MAGI2: variants seen among roughly 807,000 people sequenced by gnomAD.
MAGI2 encodes the protein membrane-associated guanylate kinase, WW and PDZ domain-containing protein 2.
A neutral mutation model predicts 133.3 loss-of-function variants in MAGI2; 35 were observed. The observed-to-expected ratio is 0.26, with a 90% CI of 0.20 to 0.35. The LOEUF is 0.35. Ranked by LOEUF, MAGI2 falls within the 10% of genes least tolerant of loss-of-function variation. MAGI2 has a pLI of 1.00. For missense variants in MAGI2, 1,636 were observed against 1,863.4 expected (o/e 0.88, Z 2.25); for synonymous variants, 729 against 710.6 (o/e 1.03, Z -0.41).
intron 2 of MAGI2, among the ~76,000 whole-genome samples, chr7:78,958,305 C>T (rs1802565959): frequency 6.6e-6 from 1 of 152,114 alleles, no homozygotes; most frequent in Non-Finnish European, 1.5e-5. Flanking sequence ...GATAGGTCTT[C>T]TAAATTGGGT....
intron 2 of MAGI2, among the ~76,000 whole-genome samples, chr7:78,834,425 T>C (rs1465326911): frequency 1.3e-5 from 2 of 152,204 alleles, no homozygotes; most frequent in African/African-American, 2.4e-5. Context: ...ACCTTTCCTA[T>C]AAATTTTCTA....
intron 2 of MAGI2, among the ~76,000 whole-genome samples, chr7:78,955,748 T>C (rs530657844): frequency 9.5e-4 from 68 of 71,438 alleles, no homozygotes; most frequent in South Asian, 2.3e-3. Context: ...TTTCTTTCTT[T>C]CTTTCTTTCT....
chr7:79,337,328 A>G (rs1177410918), intron 1 of MAGI2, among the ~76,000 whole-genome samples: 1 of 152,208 alleles, frequency 6.6e-6, no homozygotes, highest in Non-Finnish European at 1.5e-5. Flanking sequence ...TGTGAATTCT[A>G]TAGAAGTGCA....
At chr7:78,030,326 C>T (rs1809431918) in intron 21 of MAGI2, among the ~76,000 whole-genome samples, 2 of 152,142 alleles carry the variant, frequency 1.3e-5, no homozygotes, top group African/African-American at 2.4e-5. Context: ...TGCAATGGTG[C>T]GATCTCAGCT....
chr7:78,503,575 TCCC>T lies in MAGI2; in HGVS notation c.755-1791_755-1789del, dbSNP rs1476688325. On this transcript the variant is annotated intron_variant, in intron 4 of 21. Transcript: ENST00000354212. ...CTCCATCTCCCCCTCCCCCTCCTCC[TCCC>T]CCTCCTCCTCCTCCCCCTCCTCCTT... Among the ~76,000 whole-genome samples, 135 of 27,646 alleles carry T rather than the reference TCCC, an allele frequency of 4.9e-3. 5 individuals carry two copies. The highest frequency in any genetic ancestry group is 8.1e-3 in the Non-Finnish European group (118 of 14,522). 18.1% of individuals were successfully genotyped at this position (27,646 alleles called of 152,430 possible). A position where few individuals can be genotyped will look rare whatever the true frequency, so the allele number is the denominator to read the frequency against.
chr7:78,366,995 A>C (rs539663798), intron 7 of MAGI2, among the ~76,000 whole-genome samples: 1 of 152,250 alleles, frequency 6.6e-6, no homozygotes, highest in South Asian at 2.1e-4. Context: ...AGCCTGATCT[A>C]ATTATAGAAC....
At chr7:78,915,905 C>T (rs571009705) in intron 2 of MAGI2, among the ~76,000 whole-genome samples, 122 of 151,880 alleles carry the variant, frequency 8.0e-4, no homozygotes, top group Non-Finnish European at 1.4e-3. Context: ...TGAGCAGAAA[C>T]GTGAAGGAAG....
chr7:78,463,655 G>A lies in MAGI2; in HGVS notation c.1045+26106C>T, dbSNP rs541871784. Among the ~76,000 whole-genome samples, 256 of 152,238 alleles carry A rather than the reference G, an allele frequency of 1.7e-3. 2 individuals are homozygous for A. Among genetic ancestry groups the A allele is most frequent in the Non-Finnish European group, 2.8e-3 (188 of 68,008 alleles). ...ATAACATTCTGGGAAACTCCCCCTCGCAAATGGAGGTGGTTTGATATGGAG... is the reference window on the plus strand; with the variant it reads ...ATAACATTCTGGGAAACTCCCCCTCACAAATGGAGGTGGTTTGATATGGAG... On this transcript the variant is annotated intron_variant, in intron 6 of 21. Transcript: ENST00000354212.
intron 2 of MAGI2, among the ~76,000 whole-genome samples, chr7:78,697,210 C>T (rs12536959): frequency 0.051 from 7,818 of 151,976 alleles, 281 homozygotes; most frequent in Non-Finnish European, 0.077. Context: ...GAAGTTTGTC[C>T]TCTACATCAC....
intron 1 of MAGI2, among the ~76,000 whole-genome samples, chr7:79,224,269 TA>T (rs1029677066): frequency 6.6e-5 from 10 of 152,038 alleles, no homozygotes; most frequent in Admixed American, 2.0e-4. Flanking sequence ...CATCACTGCT[TA>T]AAACCCTCCC....
chr7:79,259,348 C>A (rs1447369796), intron 1 of MAGI2, among the ~76,000 whole-genome samples: 2 of 152,110 alleles, frequency 1.3e-5, no homozygotes, highest in African/African-American at 4.8e-5. Flanking sequence ...ATCTTAGAGG[C>A]AATCAGCCAC....
intron 6 of MAGI2, among the ~76,000 whole-genome samples, chr7:78,412,212 T>TA (rs1797931886): frequency 6.6e-6 from 1 of 152,028 alleles, no homozygotes; most frequent in Non-Finnish European, 1.5e-5. Context: ...ATCGATCCTC[T>TA]AAGAAGGGTT....
intron 1 of MAGI2, among the ~76,000 whole-genome samples, chr7:79,337,345 A>G (rs1422481132): frequency 1.3e-5 from 2 of 152,210 alleles, no homozygotes; most frequent in Non-Finnish European, 2.9e-5. Context: ...TGCAATAACA[A>G]ATTGGAGCAT....
At chr7:78,756,408 TTAATA>T (rs745587717) in intron 2 of MAGI2, among the ~76,000 whole-genome samples, 10 of 152,228 alleles carry the variant, frequency 6.6e-5, no homozygotes, top group South Asian at 2.1e-4. Context: ...CTGTCATTTA[TTAATA>T]TAATATATTT....
intron 6 of MAGI2, among the ~76,000 whole-genome samples, chr7:78,386,621 T>G (rs537038167): frequency 3.7e-4 from 56 of 152,264 alleles, no homozygotes; most frequent in African/African-American, 1.3e-3. Context: ...CTAACATACA[T>G]GCCAAGCTTT....
chr7:78,377,540 G>C lies in MAGI2; in HGVS notation c.1046-8327C>G, dbSNP rs1009681849. The stretch of plus-strand genomic sequence containing the variant: ...AGAGGGGGATGATGTTAGTGGGAGA[G>C]GGGGCTGTTCCTTGGAGACTTGGCT... On this transcript the variant is annotated intron_variant, in intron 6 of 21. Coordinates refer to ENST00000354212, the MANE Select transcript of MAGI2 (RefSeq NM_012301.4). Among the ~76,000 whole-genome samples, 4 of 151,734 alleles carry C rather than the reference G, an allele frequency of 2.6e-5. No individual in the cohort carries two copies. The East Asian group carries it at 5.8e-4, about 22-fold the overall frequency.
intron 6 of MAGI2, among the ~76,000 whole-genome samples, chr7:78,436,892 G>T (rs1402249345): frequency 6.6e-6 from 1 of 152,156 alleles, no homozygotes; most frequent in African/African-American, 2.4e-5. Context: ...TAGTTAGGCT[G>T]GTCCACTGCA....
chr7:78,585,920 G>C (rs1391614600), intron 3 of MAGI2, among the ~76,000 whole-genome samples: 1 of 152,174 alleles, frequency 6.6e-6, no homozygotes, highest in Non-Finnish European at 1.5e-5. Flanking sequence ...TGGCAAGTCT[G>C]GGAAATCTGA....
At chr7:79,431,027 G>T (rs909286891) in intron 1 of MAGI2, among the ~76,000 whole-genome samples, 6 of 152,060 alleles carry the variant, frequency 3.9e-5, no homozygotes, top group Admixed American at 3.3e-4. Flanking sequence ...TTCTATATTT[G>T]CTTTTGCCAA....
Sources: gnomAD v4.1 joint callset for allele counts (sites outside exome capture counted in the v4.1 genomes callset) on GRCh38, gnomAD v4.1.1 for gene constraint, MANE v1.5 for transcripts, NCBI Gene and HGNC (gene_info 2026-07-23, HGNC 2026-07-21) for gene names.